The following TMEM132B variants were observed in gnomAD, a reference collection of about 807,000 sequenced individuals.
TMEM132B encodes the protein transmembrane protein 132B.
Under a neutral mutation model 90.8 loss-of-function variants are expected in TMEM132B, and 18 were observed. That is an observed-to-expected ratio of 0.20 (90% CI 0.14 to 0.29). The LOEUF is 0.29. TMEM132B is among the 10% of genes least tolerant of loss of function. The pLI, the probability that TMEM132B is intolerant of heterozygous loss-of-function variation, is 1.00. For missense variants in TMEM132B, 1,096 were observed against 1,326.8 expected (o/e 0.83, Z 2.70); for synonymous variants, 504 against 523.3 (o/e 0.96, Z 0.50).
chr12:125,527,317 C>G (rs534628580), intron 4 of TMEM132B, among the ~76,000 whole-genome samples: 3 of 133,360 alleles, frequency 2.2e-5, no homozygotes, highest in Admixed American at 2.2e-4. Flanking sequence ...ACTCTTCCAT[C>G]CACCCATCCA....
intron 4 of TMEM132B, among the ~76,000 whole-genome samples, chr12:125,545,325 A>G (rs1884059826): frequency 6.6e-6 from 1 of 152,226 alleles, no homozygotes; most frequent in Non-Finnish European, 1.5e-5. Context: ...TATTCTGTAC[A>G]GTAGGAAGGG....
chr12:125,648,088 A>G lies in TMEM132B; in HGVS notation c.1644-2595A>G, dbSNP rs58692950. 8.2e-3 allele frequency among the ~76,000 whole-genome samples: 951 copies of G among 115,830 alleles called. 31 individuals carry two copies. Among genetic ancestry groups the G allele is most frequent in the East Asian group, 0.072 (278 of 3,860 alleles). The allele number at this position is 115,830 out of a possible 152,430, so 76.0% of individuals were successfully genotyped here. On this transcript the variant is annotated intron_variant, in intron 6 of 8. Transcript: ENST00000682704. ...CCCATCACAGTCCCCAGAGTGTGATATTCCCCTTCCTGTGACCATGTGATC... is the reference window on the plus strand; with the variant it reads ...CCCATCACAGTCCCCAGAGTGTGATGTTCCCCTTCCTGTGACCATGTGATC...
At position 125,375,924 on chromosome 12, in the gene TMEM132B, GA is replaced by G. The variant is rs1878466451; in HGVS notation, c.959+25583del. 1.3e-5 allele frequency among the ~76,000 whole-genome samples: 2 copies of G among 152,238 alleles called. 1 individual carries two copies. The highest frequency in any genetic ancestry group is 4.1e-4 in the South Asian group (2 of 4,828). ...CACTCACACCTTGGGAACCGCCAGG[GA>G]AGGGGAAAAATGGTTTCAGGTGATA... On this transcript the variant is annotated intron_variant, in intron 2 of 8. Coordinates refer to ENST00000682704, the MANE Select transcript of TMEM132B (RefSeq NM_001366854.1).
intron 3 of TMEM132B, among the ~76,000 whole-genome samples, chr12:125,515,613 TA>T (rs1883121898): frequency 1.3e-5 from 2 of 148,458 alleles, no homozygotes; most frequent in South Asian, 2.2e-4. Flanking sequence ...ATACAACACA[TA>T]TTCACACATT....
intron 3 of TMEM132B, among the ~76,000 whole-genome samples, chr12:125,421,574 A>T (rs2136377119): frequency 6.6e-6 from 1 of 152,358 alleles, no homozygotes; most frequent in Middle Eastern, 3.4e-3. Context: ...ATAATTCAAT[A>T]TGAGATCTGG....
intron 2 of TMEM132B, among the ~76,000 whole-genome samples, chr12:125,412,175 C>T (rs927345004): frequency 5.9e-5 from 9 of 152,180 alleles, no homozygotes; most frequent in Admixed American, 2.6e-4. Context: ...GCATCGTGCA[C>T]GGAGTCCCAT....
At chr12:125,569,653 G>A (rs1884743070) in intron 4 of TMEM132B, among the ~76,000 whole-genome samples, 1 of 152,098 alleles carries the variant, frequency 6.6e-6, no homozygotes, top group African/African-American at 2.4e-5. Context: ...AAGCATAAAG[G>A]AGAATTAATG....
intron 3 of TMEM132B, among the ~76,000 whole-genome samples, chr12:125,511,329 TG>T (rs1019490863): frequency 2.6e-5 from 4 of 152,192 alleles, no homozygotes; most frequent in African/African-American, 9.6e-5. Flanking sequence ...TTTCACCTTT[TG>T]GGGGGGATGA....
chr12:125,656,037 T>C lies in TMEM132B; in HGVS notation c.*1327T>C, dbSNP rs548360409. ...AGAAAAAAAAATTAAAAACCACAGC[T>C]ATTGAAAAATTAAAACGGCAAGAGA... On this transcript the variant is annotated 3_prime_UTR_variant, in exon 9 of 9. Coordinates refer to ENST00000682704, the MANE Select transcript of TMEM132B (RefSeq NM_001366854.1). 2 of 152,034 alleles carry C rather than the reference T, an allele frequency of 1.3e-5. No homozygotes were observed. Among genetic ancestry groups the C allele is most frequent in the Non-Finnish European group, 2.9e-5 (2 of 67,968 alleles). 9.4% of individuals were successfully genotyped at this position (152,034 alleles called of 1,614,324 possible). A position where few individuals can be genotyped will look rare whatever the true frequency, so the allele number is the denominator to read the frequency against.
At chr12:125,378,994 T>C (rs1020809643) in intron 2 of TMEM132B, among the ~76,000 whole-genome samples, 1 of 152,138 alleles carries the variant, frequency 6.6e-6, no homozygotes, top group African/African-American at 2.4e-5. Context: ...GTGGTCTCTC[T>C]ACAAAGCACC....
Position 125,605,188 on chromosome 12 carries a change from G to A in TMEM132B, c.1437+21194G>A, listed in dbSNP as rs143084527. ...GACACCTTCTGGGCAGTCTTCCCAC[G>A]TTGAGATAATTATCTTTCTTTTTTC... On this transcript the variant is annotated intron_variant, in intron 5 of 8. Coordinates refer to ENST00000682704, the MANE Select transcript of TMEM132B (RefSeq NM_001366854.1). 3.3e-3 allele frequency among the ~76,000 whole-genome samples: 502 copies of A among 152,280 alleles called. 2 individuals carry two copies. Among genetic ancestry groups the A allele is most frequent in the Middle Eastern group, 0.01 (3 of 294 alleles).
intron 5 of TMEM132B, among the ~76,000 whole-genome samples, chr12:125,636,198 G>A (rs1227546148): frequency 2.6e-5 from 4 of 152,234 alleles, no homozygotes; most frequent in East Asian, 3.9e-4. Flanking sequence ...TGGTGGGGAC[G>A]GTCGATGGAG....
chr12:125,238,726 C>CG (rs139905967), intron 1 of TMEM132B, among the ~76,000 whole-genome samples: 4,194 of 152,276 alleles, frequency 0.028, 202 homozygotes, highest in African/African-American at 0.097. Flanking sequence ...CCACATGGGA[C>CG]GTTTTACAGA....
At chr12:125,280,591 G>T (rs1048802702) in intron 1 of TMEM132B, among the ~76,000 whole-genome samples, 2 of 152,226 alleles carry the variant, frequency 1.3e-5, no homozygotes, top group Non-Finnish European at 2.9e-5. Flanking sequence ...GGAGCAGCCC[G>T]TCTTCACTTG....
intron 1 of TMEM132B, among the ~76,000 whole-genome samples, chr12:125,325,841 G>A (rs865890795): frequency 1.3e-5 from 2 of 152,130 alleles, no homozygotes; most frequent in Non-Finnish European, 2.9e-5. Flanking sequence ...AGGATCACAT[G>A]GGATGCTGTG....
intron 1 of TMEM132B, among the ~76,000 whole-genome samples, chr12:125,208,366 G>A (rs1873231903): frequency 6.6e-6 from 1 of 152,186 alleles, no homozygotes; most frequent in East Asian, 1.9e-4. Flanking sequence ...TCACAGTGTT[G>A]TGCAGTCATC....
intron 1 of TMEM132B, among the ~76,000 whole-genome samples, chr12:125,211,547 C>CT (rs1873318107): frequency 6.6e-6 from 1 of 152,154 alleles, no homozygotes; most frequent in Non-Finnish European, 1.5e-5. Context: ...AATGTTGGAA[C>CT]AGTGGCCTGG....
chr12:125,373,693 GA>G (rs1029945742), intron 2 of TMEM132B, among the ~76,000 whole-genome samples: 3 of 152,194 alleles, frequency 2.0e-5, no homozygotes, highest in African/African-American at 7.2e-5. Flanking sequence ...TATTAATTCA[GA>G]AGTTTCTTAA....
intron 5 of TMEM132B, among the ~76,000 whole-genome samples, chr12:125,627,325 G>A (rs1057228310): frequency 6.6e-6 from 1 of 151,792 alleles, no homozygotes; most frequent in African/African-American, 2.4e-5. Flanking sequence ...CTCCCTGGGG[G>A]TGTGTTTTGT....
Sources: gnomAD v4.1 joint callset for allele counts (sites outside exome capture counted in the v4.1 genomes callset) on GRCh38, gnomAD v4.1.1 for gene constraint, MANE v1.5 for transcripts, NCBI Gene and HGNC (gene_info 2026-07-23, HGNC 2026-07-21) for gene names.